Variants in RASGRF2 observed in about 807,000 individuals in gnomAD.
RASGRF2 encodes the protein ras-specific guanine nucleotide-releasing factor 2.
A neutral mutation model predicts 151.0 loss-of-function variants in RASGRF2; 76 were observed. That is an observed-to-expected ratio of 0.50 (90% CI 0.42 to 0.61). RASGRF2 has a LOEUF of 0.61. RASGRF2 is among the 20% of genes least tolerant of loss of function. The pLI, the probability that RASGRF2 is intolerant of heterozygous loss-of-function variation, is 0.00. For missense variants in RASGRF2, 1,148 were observed against 1,564.6 expected, an observed-to-expected ratio of 0.73 and a Z score of 4.49; for synonymous variants, 504 against 566.5, an observed-to-expected ratio of 0.89 and a Z score of 1.57.
At chr5:81,060,883 C>A (rs894543350) in intron 2 of RASGRF2, among the ~76,000 whole-genome samples, 36 of 152,102 alleles carry the variant, frequency 2.4e-4, no homozygotes, top group African/African-American at 7.7e-4. Context: ...CCAAAGAAAG[C>A]TCCCTTTAAG....
At chr5:81,125,391 T>C (rs1005952577) in intron 16 of RASGRF2, among the ~76,000 whole-genome samples, 1 of 152,212 alleles carries the variant, frequency 6.6e-6, no homozygotes, top group Non-Finnish European at 1.5e-5. Flanking sequence ...CCCTTGGGGC[T>C]TTAAGGCTCC....
chr5:81,037,022 A>G (rs1750522256), intron 1 of RASGRF2, among the ~76,000 whole-genome samples: 1 of 152,198 alleles, frequency 6.6e-6, no homozygotes, highest in African/African-American at 2.4e-5. Context: ...AAGATGAAGG[A>G]AGAGCAAAGG....
chr5:80,984,133 T>G (rs1748401685), intron 1 of RASGRF2, among the ~76,000 whole-genome samples: 1 of 152,220 alleles, frequency 6.6e-6, no homozygotes, highest in Admixed American at 6.5e-5. Flanking sequence ...TGACCTTGGC[T>G]CACTGCAACC....
chr5:81,064,212 G>T (rs1424903041), intron 2 of RASGRF2, among the ~76,000 whole-genome samples: 1 of 152,154 alleles, frequency 6.6e-6, no homozygotes. Context: ...ACCAGTTGTT[G>T]GCTTGAGCTC....
intron 1 of RASGRF2, among the ~76,000 whole-genome samples, chr5:81,042,671 G>A (rs1286795578): frequency 2.0e-5 from 3 of 152,126 alleles, no homozygotes; most frequent in Non-Finnish European, 2.9e-5. Flanking sequence ...CCTTACTGAG[G>A]TGTGTTAAGA....
chr5:81,148,214 T>A lies in RASGRF2; in HGVS notation c.2686+21051T>A, dbSNP rs541268340. On this transcript the variant is annotated intron_variant, in intron 17 of 26. Transcript: ENST00000265080. ...AGACTTACTTACTCAAGGGCAGTTA[T>A]AAATCACAAACTGGACTCCTAGTCT... 6.6e-5 allele frequency among the ~76,000 whole-genome samples: 10 copies of A among 152,358 alleles called. No homozygotes were observed. The South Asian group carries it at 1.9e-3, about 28-fold the overall frequency.
chr5:81,085,895 C>G lies in RASGRF2; in HGVS notation c.1255C>G (p.Leu419Val). Reference protein sequence around the residue: ...RKSLEFAKSKLEELSRVMHDE... With the variant: ...RKSLEFAKSKVEELSRVMHDE... Reference sequence around the variant, plus strand: ...AAGCCTGGAGTTTGCCAAATCAAAGCTAGAGGAACTATCCAGGTATGCCAA... The same window carrying G: ...AAGCCTGGAGTTTGCCAAATCAAAGGTAGAGGAACTATCCAGGTATGCCAA... Residue 419 changes from leucine to valine, a missense_variant, in exon 8 of 27, where the codon CTA (leucine) becomes GTA (valine). Leu to Val is a conservative substitution (Grantham distance 32). Transcript: ENST00000265080. 6.2e-7 allele frequency: 1 copy of G among 1,614,072 alleles called. No homozygotes were observed. Among genetic ancestry groups the G allele is most frequent in the Non-Finnish European group, 8.5e-7 (1 of 1,180,014 alleles).
chr5:81,206,234 T>C (rs551469648), intron 19 of RASGRF2, among the ~76,000 whole-genome samples: 1 of 144,400 alleles, frequency 6.9e-6, no homozygotes, highest in African/African-American at 2.6e-5. Flanking sequence ...AAGATATTTA[T>C]TGAGAGCTGA....
intron 15 of RASGRF2, among the ~76,000 whole-genome samples, chr5:81,116,312 A>G (rs1267900422): frequency 6.6e-6 from 1 of 151,560 alleles, no homozygotes. Flanking sequence ...TGAACTTCTG[A>G]CCTCAGGTGT....
intron 1 of RASGRF2, among the ~76,000 whole-genome samples, chr5:80,981,591 A>G (rs1463490567): frequency 6.6e-6 from 1 of 151,978 alleles, no homozygotes; most frequent in Non-Finnish European, 1.5e-5. Flanking sequence ...TTTGAGACAG[A>G]GTCTCACTCT....
chr5:81,070,975 T>C, intron 4 of RASGRF2, among the ~76,000 whole-genome samples: 1 of 152,206 alleles, frequency 6.6e-6, no homozygotes, highest in East Asian at 1.9e-4. Context: ...GTGTGAAGAT[T>C]GAGTAAATCA....
chr5:81,104,555 G>T (rs13187343), intron 12 of RASGRF2, among the ~76,000 whole-genome samples: 6,496 of 151,872 alleles, frequency 0.043, 191 homozygotes, highest in South Asian at 0.057. Flanking sequence ...TAATTTCATG[G>T]TTTTTCAAGT....
intron 1 of RASGRF2, among the ~76,000 whole-genome samples, chr5:81,037,710 C>T (rs1270362366): frequency 2.6e-5 from 4 of 151,850 alleles, no homozygotes; most frequent in Non-Finnish European, 4.4e-5. Flanking sequence ...AAAAGGTGCA[C>T]GTAGGTGAAG....
intron 26 of RASGRF2, among the ~76,000 whole-genome samples, chr5:81,224,912 C>A (rs2112758029): frequency 6.6e-6 from 1 of 152,310 alleles, no homozygotes; most frequent in Non-Finnish European, 1.5e-5. Context: ...CATGAAGGAA[C>A]TTTTGGGGAT....
At chr5:81,054,998 G>A (rs1032070204) in intron 2 of RASGRF2, among the ~76,000 whole-genome samples, 3 of 152,190 alleles carry the variant, frequency 2.0e-5, no homozygotes, top group Non-Finnish European at 1.5e-5. Flanking sequence ...CTTTGCCGAA[G>A]TTGCTTATCA....
At chr5:81,124,370 C>T (rs769490644) in intron 16 of RASGRF2, among the ~76,000 whole-genome samples, 20 of 136,968 alleles carry the variant, frequency 1.5e-4, no homozygotes, top group Non-Finnish European at 2.8e-4. Flanking sequence ...TGAGGAGTAA[C>T]GTGAATCAAA....
intron 1 of RASGRF2, among the ~76,000 whole-genome samples, chr5:80,993,891 T>C (rs1580176657): frequency 6.6e-6 from 1 of 152,288 alleles, no homozygotes; most frequent in African/African-American, 2.4e-5. Flanking sequence ...GGTTTCCATG[T>C]ACCTTGGCCT....
chr5:81,096,551 G>A (rs1284337998), intron 12 of RASGRF2: 1 of 152,218 alleles, frequency 6.6e-6, no homozygotes, highest in African/African-American at 2.4e-5. Flanking sequence ...AGAATGGGGA[G>A]AATAGGAGTA....
At chr5:81,219,539 A>G in intron 25 of RASGRF2, 171 bp from the exon 26 acceptor site, 1 of 526,092 alleles carries the variant, frequency 1.9e-6, no homozygotes, top group Non-Finnish European at 3.4e-6. Context: ...TGCCTCCTTG[A>G]GAGTCAAGAA....
Sources: gnomAD v4.1 joint callset for allele counts (sites outside exome capture counted in the v4.1 genomes callset) on GRCh38, gnomAD v4.1.1 for gene constraint, MANE v1.5 for transcripts, NCBI Gene and HGNC (gene_info 2026-07-23, HGNC 2026-07-21) for gene names.